The following NXPE2 variants were observed in gnomAD, a reference collection of about 807,000 sequenced individuals.
NXPE2 encodes NXPE family member 2.
NXPE2 carries 34 observed loss-of-function variants against 34.4 expected under a neutral mutation model. That is an observed-to-expected ratio of 0.99 (90% CI 0.75 to 1.31). The LOEUF is 1.31. Among genes scored for constraint, NXPE2 ranks in the 40% most tolerant of loss-of-function variants. The pLI is 0.00. For synonymous variants in NXPE2, 235 were observed against 231.3 expected, an observed-to-expected ratio of 1.02 and a Z score of -0.15; for missense variants, 649 against 672.5, an observed-to-expected ratio of 0.97 and a Z score of 0.39.
At chr11:114,512,228 C>T in the NXPE2 span, among the ~76,000 whole-genome samples, 1 of 152,136 alleles carries the variant, frequency 6.6e-6, no homozygotes, top group Non-Finnish European at 1.5e-5. Context: ...GGATAGCTTC[C>T]TGTTTTACTT....
chr11:114,532,947 G>T, the NXPE2 span, among the ~76,000 whole-genome samples: 5 of 152,092 alleles, frequency 3.3e-5, no homozygotes, highest in Non-Finnish European at 7.4e-5. Context: ...GCAATAAAAG[G>T]ATTTGATGTA....
chr11:114,667,838 C>T, the NXPE2 span, among the ~76,000 whole-genome samples: 1 of 152,246 alleles, frequency 6.6e-6, no homozygotes. Context: ...CATTAGAGAT[C>T]TTGAGGCAGA....
the NXPE2 span, among the ~76,000 whole-genome samples, chr11:114,634,292 C>T: frequency 1.3e-5 from 2 of 151,898 alleles, no homozygotes; most frequent in African/African-American, 4.8e-5. Flanking sequence ...TGTCCTTTGC[C>T]CACTTTTTGA....
chr11:114,598,425 G>C, the NXPE2 span, among the ~76,000 whole-genome samples: 1 of 152,210 alleles, frequency 6.6e-6, no homozygotes, highest in Non-Finnish European at 1.5e-5. Context: ...TCTGTGTGGG[G>C]GCTCCAGCCC....
the NXPE2 span, among the ~76,000 whole-genome samples, chr11:114,807,350 TTAAATG>T: frequency 3.3e-5 from 5 of 152,134 alleles, no homozygotes; most frequent in African/African-American, 1.2e-4. Context: ...AATATTAACT[TTAAATG>T]TAAATGGGCT....
the NXPE2 span, among the ~76,000 whole-genome samples, chr11:114,517,582 T>C: frequency 6.6e-6 from 1 of 152,240 alleles, no homozygotes; most frequent in Admixed American, 6.5e-5. Context: ...CATCACTTAT[T>C]TGACAAATAT....
chr11:114,594,609 G>A, the NXPE2 span: 2 of 1,118,126 alleles, frequency 1.8e-6, no homozygotes, highest in East Asian at 2.4e-5. Context: ...TAGAACAGAT[G>A]AGGTAATAAG....
the NXPE2 span, among the ~76,000 whole-genome samples, chr11:114,799,291 C>CAAAAAAAA: frequency 6.4e-5 from 6 of 94,294 alleles, no homozygotes; most frequent in African/African-American, 1.9e-4. Context: ...GGCAATGAAG[C>CAAAAAAAA]AAAAAAAAAA....
the NXPE2 span, chr11:114,529,033 C>A: frequency 2.5e-6 from 1 of 406,640 alleles, no homozygotes. Context: ...AGGTAAGATT[C>A]TGGAATGCAT....
chr11:114,656,734 A>T, the NXPE2 span, among the ~76,000 whole-genome samples: 2 of 152,168 alleles, frequency 1.3e-5, no homozygotes, highest in South Asian at 2.1e-4. Flanking sequence ...TATATGAAAA[A>T]TATTTGTAAT....
the NXPE2 span, among the ~76,000 whole-genome samples, chr11:114,597,285 G>A: frequency 2.0e-5 from 3 of 152,274 alleles, no homozygotes; most frequent in Non-Finnish European, 4.4e-5. Flanking sequence ...GTGGAACATA[G>A]CAAACTGTCA....
At chr11:114,588,663 G>A in the NXPE2 span, among the ~76,000 whole-genome samples, 2 of 152,116 alleles carry the variant, frequency 1.3e-5, no homozygotes, top group East Asian at 1.9e-4. Flanking sequence ...AATAGAAAAG[G>A]AAACACTTTT....
chr11:114,489,304 A>G, the NXPE2 span, among the ~76,000 whole-genome samples: 2 of 151,798 alleles, frequency 1.3e-5, no homozygotes, highest in East Asian at 3.9e-4. Flanking sequence ...GTACCATTCC[A>G]TCTGAAACTA....
chr11:114,704,140 G>A (rs1951427466), intron 4 of NXPE2, 88 bp downstream of exon 4: 7 of 949,818 alleles, frequency 7.4e-6, no homozygotes, highest in South Asian at 4.9e-5. Flanking sequence ...CCACATTAAC[G>A]ATTTGATCTC....
intron 2 of NXPE2, among the ~76,000 whole-genome samples, chr11:114,691,069 G>C (rs1280145813): frequency 6.6e-6 from 1 of 151,940 alleles, no homozygotes; most frequent in East Asian, 1.9e-4. Flanking sequence ...TTCTACACCT[G>C]TCATTTCAGA....
the NXPE2 span, among the ~76,000 whole-genome samples, chr11:114,589,484 T>C: frequency 6.6e-6 from 1 of 152,092 alleles, no homozygotes; most frequent in South Asian, 2.1e-4. Flanking sequence ...TTAGGTGCAG[T>C]TGGGGGGACA....
the NXPE2 span, among the ~76,000 whole-genome samples, chr11:114,586,404 T>C: frequency 6.6e-6 from 1 of 152,098 alleles, no homozygotes; most frequent in East Asian, 1.9e-4. Flanking sequence ...GGACCCCAAC[T>C]CCTTCTTTTT....
the NXPE2 span, among the ~76,000 whole-genome samples, chr11:114,746,152 A>G: frequency 7.9e-5 from 12 of 152,048 alleles, no homozygotes; most frequent in Non-Finnish European, 1.5e-4. Context: ...ACCAGAATCT[A>G]TCTTTGGTGA....
the NXPE2 span, among the ~76,000 whole-genome samples, chr11:114,627,846 C>T: frequency 3.3e-5 from 5 of 150,454 alleles, no homozygotes; most frequent in African/African-American, 1.2e-4. Context: ...AAATGGAAAA[C>T]AAAAAAATGC....
Sources: allele counts gnomAD v4.1 joint callset (sites outside exome capture counted in the v4.1 genomes callset), GRCh38; gene constraint gnomAD v4.1.1; transcripts MANE v1.5; gene names NCBI Gene and HGNC (gene_info 2026-07-23, HGNC 2026-07-21).